Variants in STYXL1 observed in about 807,000 individuals in gnomAD.
STYXL1 encodes the protein serine/threonine/tyrosine-interacting-like protein 1.
STYXL1 carries 32 observed loss-of-function variants against 36.4 expected under a neutral mutation model. The ratio of observed to expected loss-of-function variants is 0.88; its 90% confidence interval spans 0.66 to 1.18. STYXL1 has a LOEUF of 1.18. Ranked by LOEUF, STYXL1 falls within the 50% of genes most tolerant of loss-of-function variation. STYXL1 has a pLI of 0.00. For synonymous variants in STYXL1, 133 were observed against 144.1 expected (o/e 0.92, Z 0.55); for missense variants, 354 against 394.1 (o/e 0.90, Z 0.86).
intron 8 of STYXL1, among the ~76,000 whole-genome samples, chr7:75,999,442 A>T (rs1477937720): frequency 6.6e-6 from 1 of 151,380 alleles, no homozygotes; most frequent in Non-Finnish European, 1.5e-5. Flanking sequence ...AATGTACTTA[A>T]TGCTCCTAAG....
chr7:76,031,966 G>A (rs1363390487), intron 1 of STYXL1, among the ~76,000 whole-genome samples: 2 of 152,104 alleles, frequency 1.3e-5, no homozygotes, highest in Non-Finnish European at 2.9e-5. Flanking sequence ...CAAGATGCAA[G>A]AGCACTATAA....
intron 1 of STYXL1, among the ~76,000 whole-genome samples, chr7:76,043,656 G>T (rs1370383624): frequency 6.6e-6 from 1 of 152,186 alleles, no homozygotes. Context: ...AGCTGAGACA[G>T]TAACAAGGCC....
At chr7:76,015,083 C>A (rs1233655343) in intron 4 of STYXL1, among the ~76,000 whole-genome samples, 6 of 152,090 alleles carry the variant, frequency 3.9e-5, no homozygotes, top group African/African-American at 1.2e-4. Context: ...CCCGCCTCCA[C>A]AAATAAAATT....
chr7:76,005,220 A>T, intron 6 of STYXL1, 39 bp downstream of exon 6: 1 of 1,192,668 alleles, frequency 8.4e-7, no homozygotes, highest in Non-Finnish European at 1.1e-6. Context: ...TATATAAAAA[A>T]TAAAATGAAA....
chr7:76,033,094 C>G (rs1795548397), intron 1 of STYXL1, among the ~76,000 whole-genome samples: 8 of 152,048 alleles, frequency 5.3e-5, no homozygotes, highest in Admixed American at 3.9e-4. Flanking sequence ...CTCCTGGGCC[C>G]AATTGTTTCT....
intron 2 of STYXL1, 86 bp downstream of exon 2, chr7:76,030,335 A>C (rs1404405584): frequency 3.0e-4 from 245 of 817,628 alleles, no homozygotes; most frequent in East Asian, 7.2e-4. Context: ...ACTGCCCCCC[A>C]CCCCGCCAAA....
intron 5 of STYXL1, among the ~76,000 whole-genome samples, chr7:76,007,485 T>C (rs1791935057): frequency 6.6e-6 from 1 of 152,076 alleles, no homozygotes; most frequent in Non-Finnish European, 1.5e-5. Context: ...CACCATCTTG[T>C]ATCAGGGAGT....
At chr7:76,020,090 C>A (rs1793880405) in intron 4 of STYXL1, among the ~76,000 whole-genome samples, 1 of 151,944 alleles carries the variant, frequency 6.6e-6, no homozygotes, top group Non-Finnish European at 1.5e-5. Context: ...GAATGGGGGC[C>A]CCATAGCAAA....
chr7:76,032,789 A>G (rs918525369), intron 1 of STYXL1, among the ~76,000 whole-genome samples: 7 of 152,136 alleles, frequency 4.6e-5, no homozygotes, highest in Non-Finnish European at 8.8e-5. Context: ...GGGAATGGGA[A>G]AAGGGTTGTC....
At chr7:76,025,744 T>A (rs1372668177) in intron 3 of STYXL1, among the ~76,000 whole-genome samples, 1 of 151,470 alleles carries the variant, frequency 6.6e-6, no homozygotes, top group Non-Finnish European at 1.5e-5. Context: ...GAGCTGAGAT[T>A]GTACCACTGC....
At chr7:76,019,594 G>A (rs182642397) in intron 4 of STYXL1, among the ~76,000 whole-genome samples, 30 of 152,096 alleles carry the variant, frequency 2.0e-4, no homozygotes, top group African/African-American at 1.4e-4. Flanking sequence ...GTGAGGCACC[G>A]TGCCTGGCTA....
Position 76,047,901 on chromosome 7 carries a change from C to G in STYXL1, c.-244G>C, listed in dbSNP as rs1349207164. On this transcript the variant is annotated 5_prime_UTR_variant, in exon 1 of 9. Transcript: ENST00000359697. ...CAGACTGGCCCTCCCACTCCGACCG[C>G]AGGTCCCCCACCGGCCACACAGACG... 38 of 1,413,188 alleles carry G rather than the reference C, an allele frequency of 2.7e-5. No homozygotes were observed. The highest frequency in any genetic ancestry group is 3.5e-5 in the Non-Finnish European group (38 of 1,084,618). The allele number at this position is 1,413,188 out of a possible 1,614,324, so 87.5% of individuals were successfully genotyped here.
intron 5 of STYXL1, among the ~76,000 whole-genome samples, chr7:76,007,701 G>A (rs1554570899): frequency 4.6e-5 from 7 of 151,478 alleles, no homozygotes; most frequent in African/African-American, 9.7e-5. Flanking sequence ...TGGGAGGATC[G>A]CTTGAACCCA....
intron 3 of STYXL1, 63 bp from the exon 4 acceptor site, chr7:76,022,055 A>G: frequency 6.3e-7 from 1 of 1,576,010 alleles, no homozygotes; most frequent in Non-Finnish European, 8.5e-7. Flanking sequence ...GGTTGAGCAG[A>G]GACTCCCTGC....
At chr7:76,004,939 TGCA>T (rs544944653) in intron 6 of STYXL1, among the ~76,000 whole-genome samples, 1 of 152,086 alleles carries the variant, frequency 6.6e-6, no homozygotes, top group Non-Finnish European at 1.5e-5. Flanking sequence ...AGGCGGAGCT[TGCA>T]GTGAGCCGAG....
rs782804362 is a variant in STYXL1 at position 76,003,739 on chromosome 7, G to A, written c.697+19C>T. On this transcript the variant is annotated intron_variant, in intron 7 of 8. Transcript: ENST00000359697. ...CCAGACACAGGCCAGTTGCTACCCG[G>A]CCAAGGAACGCTCCTTACCAATGAA... is the stretch of plus-strand genomic sequence containing the variant. The A allele has an allele frequency of 2.5e-6, 4 of 1,612,360 alleles. No individual in the cohort carries two copies. The highest frequency in any genetic ancestry group is 1.7e-4 in the Middle Eastern group (1 of 6,056).
chr7:76,017,866 C>CAAAAAAAAAAAAAAAAA (rs71082374), intron 4 of STYXL1, among the ~76,000 whole-genome samples: 465 of 10,312 alleles, frequency 0.045, 191 homozygotes, highest in Non-Finnish European at 0.069. Context: ...AACTCCATCT[C>CAAAAAAAAAAAAAAAAA]AAAAAAAAAA....
chr7:76,046,892 C>T (rs375894551), intron 1 of STYXL1, among the ~76,000 whole-genome samples: 4 of 151,254 alleles, frequency 2.6e-5, no homozygotes, highest in African/African-American at 4.9e-5. Context: ...CTCAAGTGAT[C>T]GGCCCGCCTC....
chr7:76,042,291 G>A (rs1647330631), intron 1 of STYXL1, among the ~76,000 whole-genome samples: 1 of 149,938 alleles, frequency 6.7e-6, no homozygotes, highest in African/African-American at 2.4e-5. Context: ...TCCTCTTTGG[G>A]AGCAACTTCT....
Sources: gnomAD v4.1 joint callset for allele counts (sites outside exome capture counted in the v4.1 genomes callset) on GRCh38, gnomAD v4.1.1 for gene constraint, MANE v1.5 for transcripts, NCBI Gene and HGNC (gene_info 2026-07-23, HGNC 2026-07-21) for gene names.